IMPG1: variants seen among roughly 807,000 people sequenced by gnomAD.
The protein encoded by IMPG1 is interphotoreceptor matrix proteoglycan of 150 kDa.
In IMPG1, 85 loss-of-function variants were observed where a neutral mutation model predicts 92.0. The ratio of observed to expected loss-of-function variants is 0.92; its 90% CI spans 0.78 to 1.11. The LOEUF is 1.11. IMPG1 is among the 50% of genes least tolerant of loss of function. IMPG1 has a pLI of 0.00. For synonymous variants in IMPG1, 367 were observed against 334.1 expected, an observed-to-expected ratio of 1.10 and a Z score of -1.08; for missense variants, 1,022 against 956.0, an observed-to-expected ratio of 1.07 and a Z score of -0.91.
Position 75,950,829 on chromosome 6 carries a change from T to C in IMPG1, c.1557A>G (p.Leu519=), listed in dbSNP as rs780849276. The C allele has an allele frequency of 7.4e-6, 12 of 1,613,872 alleles. No homozygotes were observed. The East Asian group carries it at 2.7e-4, about 36-fold the overall frequency. Residue 519 remains leucine, a synonymous_variant, in exon 13 of 17, where the codon CTA becomes CTG. Coordinates refer to ENST00000369950, the MANE Select transcript of IMPG1 (RefSeq NM_001563.4). ...GAGTGTCAGACAGATCCATTTCATC[T>C]AGGTGTCTGACCATATCTTCGCCAC... The part of the protein sequence containing the change: ...SAGGEDMVRH[L]DEMDLSDTPA...
intron 1 of IMPG1, among the ~76,000 whole-genome samples, chr6:76,071,558 A>G (rs917541157): frequency 1.3e-5 from 2 of 152,018 alleles, no homozygotes; most frequent in Non-Finnish European, 2.9e-5. Flanking sequence ...TGATGGAATC[A>G]CAGTTATTTT....
At chr6:76,029,975 C>T (rs1783626486) in intron 4 of IMPG1, among the ~76,000 whole-genome samples, 1 of 151,604 alleles carries the variant, frequency 6.6e-6, no homozygotes, top group Non-Finnish European at 1.5e-5. Flanking sequence ...TAGGTAAAAG[C>T]CCTAGGAAGG....
chr6:75,961,070 T>C (rs1263182707), intron 12 of IMPG1, among the ~76,000 whole-genome samples: 1 of 152,142 alleles, frequency 6.6e-6, no homozygotes, highest in Non-Finnish European at 1.5e-5. Flanking sequence ...GTGAGGTATG[T>C]GGGTGGGAGA....
At chr6:75,924,706 A>ATATATAATATAATT (rs1191479265) in intron 15 of IMPG1, among the ~76,000 whole-genome samples, 1 of 1,570 alleles carries the variant, frequency 6.4e-4, no homozygotes, top group African/African-American at 1.8e-3. Context: ...AATTATATAT[A>ATATATAATATAATT]ATATATAATA....
chr6:75,970,433 A>AG, intron 12 of IMPG1, among the ~76,000 whole-genome samples: 1 of 152,268 alleles, frequency 6.6e-6, no homozygotes, highest in Non-Finnish European at 1.5e-5. Context: ...AACGTGCTGA[A>AG]TCTGTGAAAT....
intron 13 of IMPG1, 74 bp from the exon 14 acceptor site, chr6:75,947,607 C>T: frequency 1.0e-6 from 1 of 1,002,176 alleles, no homozygotes; most frequent in Non-Finnish European, 1.5e-6. Flanking sequence ...CTTACACTCA[C>T]TTTTCATTAA....
chr6:76,010,261 G>A (rs1009689384), intron 8 of IMPG1, among the ~76,000 whole-genome samples: 2 of 152,144 alleles, frequency 1.3e-5, no homozygotes, highest in Non-Finnish European at 2.9e-5. Context: ...AAACACTTCT[G>A]GGGGAGCCCA....
At chr6:75,924,654 T>TAC (rs1466878989) in intron 15 of IMPG1, among the ~76,000 whole-genome samples, 11 of 2,612 alleles carry the variant, frequency 4.2e-3, no homozygotes, top group African/African-American at 4.9e-3. Context: ...ATTAATTATA[T>TAC]ATAATATATA....
chr6:76,033,185 T>C (rs1783680567), intron 4 of IMPG1, among the ~76,000 whole-genome samples: 1 of 152,176 alleles, frequency 6.6e-6, no homozygotes, highest in African/African-American at 2.4e-5. Flanking sequence ...AGGCAGGAAC[T>C]GAGCTGAAGC....
intron 12 of IMPG1, among the ~76,000 whole-genome samples, chr6:75,974,155 A>C (rs1782467532): frequency 6.6e-6 from 1 of 152,168 alleles, no homozygotes; most frequent in African/African-American, 2.4e-5. Flanking sequence ...AGATAATGCA[A>C]ACATTTTAGT....
At chr6:76,007,325 A>G (rs1783115179) in intron 9 of IMPG1, among the ~76,000 whole-genome samples, 155 bp downstream of exon 9, 1 of 151,994 alleles carries the variant, frequency 6.6e-6, no homozygotes, top group Admixed American at 6.6e-5. Flanking sequence ...TAACTACTGG[A>G]CAATTGTTCA....
intron 1 of IMPG1, among the ~76,000 whole-genome samples, chr6:76,064,676 G>C (rs1784276742): frequency 6.6e-6 from 1 of 152,130 alleles, no homozygotes; most frequent in South Asian, 2.1e-4. Context: ...AGGTGCTGAG[G>C]GAGCTCAGGC....
chr6:76,042,236 G>T (rs113831766), intron 1 of IMPG1, 110 bp from the exon 2 acceptor site: 63 of 680,304 alleles, frequency 9.3e-5, no homozygotes, highest in African/African-American at 9.2e-4. Context: ...TTTAGTTTAT[G>T]AAATTTCTAC....
intron 14 of IMPG1, among the ~76,000 whole-genome samples, chr6:75,937,727 C>A (rs1027707789): frequency 1.3e-5 from 2 of 152,132 alleles, no homozygotes; most frequent in Non-Finnish European, 2.9e-5. Flanking sequence ...GAAGGTCTTA[C>A]AAATTATGCC....
intron 14 of IMPG1, among the ~76,000 whole-genome samples, chr6:75,933,475 T>A (rs1469023473): frequency 6.6e-6 from 1 of 152,194 alleles, no homozygotes; most frequent in Admixed American, 6.5e-5. Flanking sequence ...CAAAATGACT[T>A]AGCTTTCTAT....
intron 1 of IMPG1, among the ~76,000 whole-genome samples, chr6:76,065,983 A>G (rs555225729): frequency 2.6e-5 from 4 of 152,286 alleles, no homozygotes; most frequent in African/African-American, 7.2e-5. Flanking sequence ...ACTAAGTTTC[A>G]TAAATGAAGG....
chr6:76,054,394 T>A (rs1393160699), intron 1 of IMPG1, among the ~76,000 whole-genome samples: 5 of 152,074 alleles, frequency 3.3e-5, no homozygotes, highest in Non-Finnish European at 5.9e-5. Context: ...TAAAAGTATG[T>A]CCCATGGAAT....
intron 2 of IMPG1, among the ~76,000 whole-genome samples, chr6:76,038,017 C>T (rs1783770408): frequency 6.6e-6 from 1 of 152,326 alleles, no homozygotes; most frequent in Middle Eastern, 3.4e-3. Context: ...TGAGCCCAAA[C>T]TCAGACTGGC....
intron 9 of IMPG1, 74 bp downstream of exon 9, chr6:76,007,406 T>A (rs1286392687): frequency 3.6e-6 from 4 of 1,118,216 alleles, no homozygotes; most frequent in African/African-American, 3.1e-5. Context: ...GTAAAAATTA[T>A]TTGTGCAAAA....
Sources: allele counts gnomAD v4.1 joint callset (sites outside exome capture counted in the v4.1 genomes callset), GRCh38; gene constraint gnomAD v4.1.1; transcripts MANE v1.5; gene names NCBI Gene and HGNC (gene_info 2026-07-23, HGNC 2026-07-21).